The following PTPRD variants were observed in gnomAD, a reference collection of about 807,000 sequenced individuals.
The protein encoded by PTPRD is receptor-type tyrosine-protein phosphatase delta.
Under a neutral mutation model 214.5 loss-of-function variants are expected in PTPRD, and 34 were observed. That is an observed-to-expected ratio of 0.16 (90% CI 0.12 to 0.21). The LOEUF (loss-of-function observed/expected upper bound fraction) is 0.21, where lower values mean the gene tolerates loss of function less well. Among genes scored for constraint, PTPRD ranks in the 10% least tolerant of loss-of-function variants. PTPRD has a pLI of 1.00. For missense variants in PTPRD, 2,545 were observed against 2,398.7 expected, an observed-to-expected ratio of 1.06 and a Z score of -1.27; for synonymous variants, 1,128 against 845.7, an observed-to-expected ratio of 1.33 and a Z score of -5.79.
chr9:9,176,411 C>T (rs1233570661), intron 10 of PTPRD, among the ~76,000 whole-genome samples: 1 of 152,140 alleles, frequency 6.6e-6, no homozygotes, highest in Admixed American at 6.6e-5. Flanking sequence ...TTCTCCTAAT[C>T]TTCTTTTCTT....
chr9:9,375,906 T>C (rs931292807), intron 9 of PTPRD, among the ~76,000 whole-genome samples: 1 of 152,160 alleles, frequency 6.6e-6, no homozygotes, highest in Non-Finnish European at 1.5e-5. Context: ...TGCCACTGAA[T>C]GGCACACTTA....
chr9:9,240,979 T>G (rs1235422085), intron 9 of PTPRD, among the ~76,000 whole-genome samples: 4 of 152,120 alleles, frequency 2.6e-5, no homozygotes, highest in Admixed American at 2.6e-4. Context: ...TAGAAAGAAC[T>G]CTGAAATGTA....
At position 8,780,174 on chromosome 9, in the gene PTPRD, T is replaced by C. The variant is rs185501784; in HGVS notation, c.-103-46228A>G. On this transcript the variant is annotated intron_variant, in intron 11 of 45. Coordinates refer to ENST00000381196, the MANE Select transcript of PTPRD (RefSeq NM_002839.4). ...TCTAAATTCACCAGATCATAATTATTGACACAAAATTATAAAGTATAATAC... is the reference window on the plus strand; with the variant it reads ...TCTAAATTCACCAGATCATAATTATCGACACAAAATTATAAAGTATAATAC... 2.8e-3 allele frequency among the ~76,000 whole-genome samples: 431 copies of C among 152,272 alleles called. 2 individuals carry two copies. The highest frequency in any genetic ancestry group is 0.02 in the South Asian group (96 of 4,824).
chr9:10,057,967 A>C lies in PTPRD; in HGVS notation c.-544-24177T>G, dbSNP rs2097690087. ...TAAGAATGACTTTAGTCTGTTTTGG[A>C]AAGGGAGAGTTTATTTTGGGTAACA... On this transcript the variant is annotated intron_variant, in intron 3 of 45. Transcript: ENST00000381196. 2.0e-5 allele frequency among the ~76,000 whole-genome samples: 3 copies of C among 152,074 alleles called. No homozygotes were observed. The South Asian group carries it at 6.2e-4, about 32-fold the overall frequency.
At chr9:8,590,232 C>G (rs975985294) in intron 14 of PTPRD, among the ~76,000 whole-genome samples, 5 of 151,994 alleles carry the variant, frequency 3.3e-5, no homozygotes, top group Non-Finnish European at 7.4e-5. Context: ...TTGAAAATAG[C>G]TCAAGAAAAA....
intron 2 of PTPRD, among the ~76,000 whole-genome samples, chr9:10,513,737 A>T (rs1162906089): frequency 6.6e-6 from 1 of 152,170 alleles, no homozygotes; most frequent in African/African-American, 2.4e-5. Context: ...TCACTGTGGC[A>T]GTAGTCAATG....
chr9:8,340,839 G>T (rs1337825334), intron 41 of PTPRD, among the ~76,000 whole-genome samples: 1 of 152,108 alleles, frequency 6.6e-6, no homozygotes, highest in Admixed American at 6.6e-5. Context: ...GTACAAAACA[G>T]ATTCTTTATT....
At chr9:9,906,884 G>C (rs937276399) in intron 5 of PTPRD, among the ~76,000 whole-genome samples, 3 of 151,920 alleles carry the variant, frequency 2.0e-5, no homozygotes, top group African/African-American at 7.2e-5. Flanking sequence ...ATTAATATGA[G>C]ATCTGGCTCA....
At chr9:9,708,967 A>G (rs1368201100) in intron 7 of PTPRD, among the ~76,000 whole-genome samples, 1 of 152,042 alleles carries the variant, frequency 6.6e-6, no homozygotes, top group Non-Finnish European at 1.5e-5. Flanking sequence ...ATTACATTAT[A>G]TAGCATCAAT....
chr9:8,801,306 A>T (rs1201216295), intron 11 of PTPRD, among the ~76,000 whole-genome samples: 1 of 152,220 alleles, frequency 6.6e-6, no homozygotes, highest in Non-Finnish European at 1.5e-5. Flanking sequence ...TCATTTTGGC[A>T]TCATCTGATG....
At chr9:9,373,834 G>A (rs986219946) in intron 9 of PTPRD, among the ~76,000 whole-genome samples, 6 of 151,992 alleles carry the variant, frequency 3.9e-5, no homozygotes, top group African/African-American at 1.4e-4. Context: ...TTTCAGCCCA[G>A]CCCAGTGCTC....
At chr9:8,806,737 T>C (rs973515654) in intron 11 of PTPRD, among the ~76,000 whole-genome samples, 4 of 152,226 alleles carry the variant, frequency 2.6e-5, no homozygotes, top group Admixed American at 1.3e-4. Flanking sequence ...GTGTTCCATC[T>C]GATTAAAGGG....
In PTPRD at chr9:8,864,961, G is replaced by C. The variant is rs184013674; in HGVS notation, c.-103-131015C>G. On this transcript the variant is annotated intron_variant, in intron 11 of 45. Transcript: ENST00000381196. The stretch of plus-strand genomic sequence containing the variant: ...AAAGAAAACAGCTTTGTACAAGCTA[G>C]TATTTTGGCCATAATTATACTTTTC... Among the ~76,000 whole-genome samples the C allele has an allele frequency of 2.1e-3, 322 of 152,302 alleles. 1 individual carries two copies. Among genetic ancestry groups the C allele is most frequent in the African/African-American group, 7.3e-3 (302 of 41,560 alleles).
intron 2 of PTPRD, among the ~76,000 whole-genome samples, chr9:10,465,526 G>A (rs573767378): frequency 5.3e-5 from 8 of 152,190 alleles, no homozygotes; most frequent in Non-Finnish European, 1.2e-4. Context: ...CTTATACAAC[G>A]GTGGTCTCAT....
chr9:10,582,001 T>C (rs544507972), intron 2 of PTPRD, among the ~76,000 whole-genome samples: 2 of 152,300 alleles, frequency 1.3e-5, no homozygotes, highest in African/African-American at 4.8e-5. Context: ...TCCTGAATTC[T>C]GAAGTTGGAA....
chr9:8,425,926 G>A (rs563964848), intron 35 of PTPRD, among the ~76,000 whole-genome samples: 1 of 152,222 alleles, frequency 6.6e-6, no homozygotes, highest in Non-Finnish European at 1.5e-5. Flanking sequence ...TTCCAGAAAT[G>A]ATATTATGTA....
chr9:9,880,773 A>T (rs1264619482), intron 5 of PTPRD, among the ~76,000 whole-genome samples: 2 of 152,142 alleles, frequency 1.3e-5, no homozygotes, highest in Admixed American at 1.3e-4. Context: ...AAATTCAGCC[A>T]AGCATGTATT....
At chr9:9,704,460 C>T (rs996457846) in intron 7 of PTPRD, among the ~76,000 whole-genome samples, 1 of 152,094 alleles carries the variant, frequency 6.6e-6, no homozygotes, top group Non-Finnish European at 1.5e-5. Flanking sequence ...TGTCATTCCC[C>T]ATGTATGGTG....
chr9:10,601,932 G>T (rs1055972972), intron 2 of PTPRD, among the ~76,000 whole-genome samples: 1 of 151,702 alleles, frequency 6.6e-6, no homozygotes, highest in Non-Finnish European at 1.5e-5. Context: ...GGGAAGAAAG[G>T]AGCTGTCTCA....
Sources: allele counts gnomAD v4.1 joint callset (sites outside exome capture counted in the v4.1 genomes callset), GRCh38; gene constraint gnomAD v4.1.1; transcripts MANE v1.5; gene names NCBI Gene and HGNC (gene_info 2026-07-23, HGNC 2026-07-21).